SLC71A2: variants seen among roughly 807,000 people sequenced by gnomAD.
SLC71A2 encodes the protein solute carrier family 71 member 2.
At chr9:94,418,880 C>T in the SLC71A2 span, among the ~76,000 whole-genome samples, 1 of 151,784 alleles carries the variant, frequency 6.6e-6, no homozygotes, top group Non-Finnish European at 1.5e-5. Context: ...AGGTGTGAGC[C>T]ACCACACCTG....
chr9:94,379,121 T>G, the SLC71A2 span, among the ~76,000 whole-genome samples: 3 of 140,804 alleles, frequency 2.1e-5, no homozygotes, highest in Admixed American at 2.1e-4. Context: ...AGTTTCACTG[T>G]TGTTGCCCAG....
the SLC71A2 span, among the ~76,000 whole-genome samples, chr9:94,400,516 A>G: frequency 1.3e-5 from 2 of 150,838 alleles, no homozygotes. Flanking sequence ...AAGGAAAAAA[A>G]AAAAACAACT....
At chr9:94,458,477 T>C in the SLC71A2 span, 1 of 1,612,960 alleles carries the variant, frequency 6.2e-7, no homozygotes, top group Non-Finnish European at 8.5e-7. Flanking sequence ...AATTTGGTCA[T>C]AAGTCTAGTT....
chr9:94,387,099 T>C, the SLC71A2 span, among the ~76,000 whole-genome samples: 1 of 152,168 alleles, frequency 6.6e-6, no homozygotes, highest in Non-Finnish European at 1.5e-5. Context: ...CCCTGGGCCA[T>C]CCTTTTAATA....
the SLC71A2 span, among the ~76,000 whole-genome samples, chr9:94,391,250 T>A: frequency 6.8e-6 from 1 of 146,252 alleles, no homozygotes; most frequent in Non-Finnish European, 1.5e-5. Flanking sequence ...GTGTCTGTAG[T>A]CCCAGCTACT....
the SLC71A2 span, among the ~76,000 whole-genome samples, chr9:94,449,421 T>G: frequency 6.6e-6 from 1 of 152,026 alleles, no homozygotes; most frequent in African/African-American, 2.4e-5. Context: ...AAGAGACAAC[T>G]CAGTTGAAAA....
the SLC71A2 span, among the ~76,000 whole-genome samples, chr9:94,401,123 T>C: frequency 2.0e-5 from 3 of 151,962 alleles, no homozygotes; most frequent in Non-Finnish European, 2.9e-5. Flanking sequence ...CGCTCTTTCA[T>C]GTGGGGTCAA....
the SLC71A2 span, among the ~76,000 whole-genome samples, chr9:94,452,675 A>G: frequency 6.1e-5 from 3 of 48,884 alleles, no homozygotes; most frequent in African/African-American, 1.8e-4. Context: ...ATTCATATAT[A>G]TTCATATATT....
the SLC71A2 span, among the ~76,000 whole-genome samples, chr9:94,441,366 G>C: frequency 6.6e-6 from 1 of 152,148 alleles, no homozygotes; most frequent in Non-Finnish European, 1.5e-5. Context: ...ATCTTCACAT[G>C]ACTGGAGCAG....
the SLC71A2 span, among the ~76,000 whole-genome samples, chr9:94,413,192 A>T: frequency 6.0e-3 from 906 of 152,040 alleles, 7 homozygotes; most frequent in African/African-American, 0.02. Flanking sequence ...AAGAAATGTG[A>T]GAACTAAATG....
the SLC71A2 span, among the ~76,000 whole-genome samples, chr9:94,402,042 G>C: frequency 6.6e-6 from 1 of 152,178 alleles, no homozygotes; most frequent in South Asian, 2.1e-4. Context: ...GATGACCAGA[G>C]ATCACTCTCA....
chr9:94,438,409 C>T, the SLC71A2 span: 5 of 1,614,026 alleles, frequency 3.1e-6, no homozygotes, highest in Non-Finnish European at 3.4e-6. Context: ...AGGGCCTGCT[C>T]TCTTTTTTGA....
the SLC71A2 span, among the ~76,000 whole-genome samples, chr9:94,426,837 T>G: frequency 1.1e-4 from 17 of 151,954 alleles, no homozygotes; most frequent in South Asian, 4.1e-4. Flanking sequence ...TATTTATTTA[T>G]TTAGATAGAT....
the SLC71A2 span, chr9:94,454,156 G>A: frequency 5.6e-6 from 5 of 887,456 alleles, no homozygotes; most frequent in East Asian, 1.2e-4. Context: ...TGAGAAGGAA[G>A]CAAGGGTTAT....
At chr9:94,400,568 GAAAA>G in the SLC71A2 span, among the ~76,000 whole-genome samples, 3 of 137,000 alleles carry the variant, frequency 2.2e-5, no homozygotes, top group Admixed American at 7.3e-5. Context: ...GCTTCCAAAT[GAAAA>G]AAAAAAAAAG....
At chr9:94,408,203 G>A in the SLC71A2 span, among the ~76,000 whole-genome samples, 1 of 152,160 alleles carries the variant, frequency 6.6e-6, no homozygotes, top group African/African-American at 2.4e-5. Flanking sequence ...TCTACTTATG[G>A]TTGGGTTGTC....
At chr9:94,450,647 G>T in the SLC71A2 span, among the ~76,000 whole-genome samples, 1 of 151,528 alleles carries the variant, frequency 6.6e-6, no homozygotes, top group Non-Finnish European at 1.5e-5. Flanking sequence ...ACGCCACCAC[G>T]TCCAGCTAAT....
chr9:94,427,835 A>G, the SLC71A2 span, among the ~76,000 whole-genome samples: 4 of 145,640 alleles, frequency 2.7e-5, no homozygotes, highest in Admixed American at 2.1e-4. Flanking sequence ...AATAATGGAC[A>G]TGATCAGGCC....
chr9:94,409,195 A>G, the SLC71A2 span, among the ~76,000 whole-genome samples: 4 of 120,966 alleles, frequency 3.3e-5, no homozygotes, highest in Non-Finnish European at 6.4e-5. Context: ...ACTGGAGTAC[A>G]GTGGTATGAT....
Sources: gnomAD v4.1 joint callset for allele counts (sites outside exome capture counted in the v4.1 genomes callset) on GRCh38, gnomAD v4.1.1 for gene constraint, MANE v1.5 for transcripts, NCBI Gene and HGNC (gene_info 2026-07-23, HGNC 2026-07-21) for gene names.